Variants in WNK4 observed in about 807,000 individuals in gnomAD.
The protein encoded by WNK4 is serine/threonine-protein kinase WNK4.
In WNK4, 94 loss-of-function variants were observed where a neutral mutation model predicts 116.2. The observed-to-expected ratio is 0.81, with a 90% CI of 0.68 to 0.96. The LOEUF (loss-of-function observed/expected upper bound fraction) is 0.96. Ranked by LOEUF, WNK4 falls within the 40% of genes least tolerant of loss-of-function variation. The pLI, the probability that WNK4 is intolerant of heterozygous loss-of-function variation, is 0.00. For synonymous variants in WNK4, 655 were observed against 672.7 expected, an observed-to-expected ratio of 0.97 and a Z score of 0.41; for missense variants, 1,542 against 1,650.6, an observed-to-expected ratio of 0.93 and a Z score of 1.14.
intron 11 of WNK4, among the ~76,000 whole-genome samples, chr17:42,791,648 AAAAAG>A (rs1162935748): frequency 1.3e-5 from 2 of 150,450 alleles, no homozygotes; most frequent in Non-Finnish European, 3.0e-5. Flanking sequence ...TCAAAAAAAA[AAAAAG>A]AAGAAAGAAA....
chr17:42,787,600 A>T, intron 7 of WNK4, 58 bp downstream of exon 7: 2 of 1,604,438 alleles, frequency 1.2e-6, no homozygotes, highest in Non-Finnish European at 1.7e-6. Flanking sequence ...TCTGCCCCCT[A>T]CCCAGAAGTT....
Position 42,784,375 on chromosome 17 carries a change from C to G in WNK4, c.1013-47C>G, listed in dbSNP as rs199797798. On this transcript the variant is annotated intron_variant, in intron 3 of 18. Coordinates refer to ENST00000246914, the MANE Select transcript of WNK4 (RefSeq NM_032387.5). The surrounding 1 kb of genome is among the most constrained non-coding windows in gnomAD (Gnocchi z 4.4). ...GGGCTGCCTAGCCCAGTGGGAAGGA[C>G]GAGGCCAGAGTGCCCAGCAATCTGA... 5 of 1,602,010 alleles carry G rather than the reference C, an allele frequency of 3.1e-6. No homozygotes were observed. In the South Asian group the frequency reaches 4.5e-5, roughly 14 times the overall value.
Position 42,787,509 on chromosome 17 carries a change from CT to C in WNK4, c.1712del (p.Phe571SerfsTer90), listed in dbSNP as rs1456863869. On this transcript the variant is annotated frameshift_variant, in exon 7 of 19. Transcript: ENST00000246914. LOFTEE classifies it high-confidence loss of function. ...EPEADQHQPF[L>X]FRHASYSSTT... ...AGAGGCAGACCAGCACCAGCCCTTCCTTTTCCGCCACGCCAGCTACTCATCT... is the reference window on the plus strand; with the variant it reads ...AGAGGCAGACCAGCACCAGCCCTTCCTTTCCGCCACGCCAGCTACTCATCT... The C allele has an allele frequency of 6.2e-7, 1 of 1,602,566 alleles. No homozygotes were observed.
At position 42,796,693 on chromosome 17, in the gene WNK4, A is replaced by G; in HGVS notation, c.*5A>G. 1.2e-6 allele frequency: 2 copies of G among 1,614,216 alleles called. No individual in the cohort carries two copies. Among genetic ancestry groups the G allele is most frequent in the African/African-American group, 1.3e-5 (1 of 75,052 alleles). Reference sequence around the variant, plus strand: ...TTTTTCTTTTCCCTCCAGTGAATTCAGAACAGAAGCCATGTATCTCCCCCA... The same window carrying G: ...TTTTTCTTTTCCCTCCAGTGAATTCGGAACAGAAGCCATGTATCTCCCCCA... On this transcript the variant is annotated 3_prime_UTR_variant, in exon 19 of 19. Coordinates refer to ENST00000246914, the MANE Select transcript of WNK4 (RefSeq NM_032387.5).
At chr17:42,781,830 C>G (rs61754333) in intron 1 of WNK4, among the ~76,000 whole-genome samples, 40 of 152,154 alleles carry the variant, frequency 2.6e-4, no homozygotes, top group Non-Finnish European at 5.3e-4. Flanking sequence ...GAATAGGGCC[C>G]CCTAACCCCT....
intron 10 of WNK4, 43 bp from the exon 11 acceptor site, chr17:42,788,638 A>C: frequency 6.6e-7 from 1 of 1,518,928 alleles, no homozygotes; most frequent in Non-Finnish European, 9.1e-7. Flanking sequence ...AGCATGATGA[A>C]GAGGGCTTGA....
intron 11 of WNK4, 100 bp from the exon 12 acceptor site, chr17:42,793,492 G>C: frequency 1.3e-6 from 2 of 1,541,868 alleles, no homozygotes; most frequent in Non-Finnish European, 8.9e-7. Context: ...TTACAGGCGT[G>C]AGCCACCGCG....
Position 42,795,822 on chromosome 17 carries a change from G to C in WNK4, c.3220G>C (p.Asp1074His). 6.2e-7 allele frequency: 1 copy of C among 1,613,836 alleles called. No homozygotes were observed. The highest frequency in any genetic ancestry group is 1.1e-5 in the South Asian group (1 of 91,062). The change falls in exon 16 of 19, where the codon GAC (aspartate) becomes CAC (histidine). Residue 1074 changes from aspartate (D) to histidine (H), a missense_variant. Physicochemically the swap from Asp to His is moderately conservative, Grantham distance 81 (BLOSUM62 -1). Around this residue, in one of 7 missense-constraint regions of WNK4, gnomAD observed 292 missense variants for 290.1 expected, o/e 1.01. Transcript: ENST00000246914. ...GACCAGGGAAGCTCTGGCTGAGAGC[G>C]ACCGTGCAGCTGAGGGTCTGGGGGC... ...PETREALAES[D>H]RAAEGLGAGV... is the part of the protein sequence containing the mutation.
At chr17:42,793,446 G>C (rs1455710107) in intron 11 of WNK4, 146 bp from the exon 12 acceptor site, 3 of 1,021,998 alleles carry the variant, frequency 2.9e-6, no homozygotes, top group Non-Finnish European at 4.4e-6. Context: ...CTGACTTCAG[G>C]TGATCCGCCC....
chr17:42,785,594 C>T, intron 6 of WNK4, 112 bp downstream of exon 6: 2 of 1,275,494 alleles, frequency 1.6e-6, no homozygotes, highest in Non-Finnish European at 2.2e-6. Context: ...GGGCGGGGCA[C>T]CTCACCCCTC....
chr17:42,795,451 C>G lies in WNK4; in HGVS notation c.2962-10C>G, dbSNP rs369213864. On this transcript the variant is annotated splice_polypyrimidine_tract_variant and intron_variant, in intron 14 of 18. Coordinates refer to ENST00000246914, the MANE Select transcript of WNK4 (RefSeq NM_032387.5). ...GCACTCTTCCCTTCTCATGGCCCCCCACTTTCTAGGCCTCACCACCTCCTG... is the reference window on the plus strand; with the variant it reads ...GCACTCTTCCCTTCTCATGGCCCCCGACTTTCTAGGCCTCACCACCTCCTG... 9.9e-6 allele frequency: 16 copies of G among 1,614,076 alleles called. No individual in the cohort carries two copies. The highest frequency in any genetic ancestry group is 1.3e-5 in the Non-Finnish European group (15 of 1,180,046).
In WNK4 at chr17:42,785,189, G is replaced by A. The variant is rs201557431; in HGVS notation, c.1259+4G>A. On this transcript the variant is annotated splice_donor_region_variant and intron_variant, in intron 5 of 18. Coordinates refer to ENST00000246914, the MANE Select transcript of WNK4 (RefSeq NM_032387.5). The stretch of plus-strand genomic sequence containing the variant: ...TCCGCACGGATAAGAACGAGAGGTG[G>A]GGGTGAAAGGGCAGAGCGTGGGTAG... 5 of 1,613,504 alleles carry A rather than the reference G, an allele frequency of 3.1e-6. No homozygotes were observed. The East Asian group carries it at 1.1e-4, about 36-fold the overall frequency.
Position 42,796,759 on chromosome 17 carries a change from T to C in WNK4, c.*71T>C, listed in dbSNP as rs2054681042. The C allele has an allele frequency of 6.2e-7, 1 of 1,614,144 alleles. No individual in the cohort carries two copies. Among genetic ancestry groups the C allele is most frequent in the South Asian group, 1.1e-5 (1 of 91,086 alleles). ...TGGAGCTTGTGTTCTCAGAATCTGA[T>C]GCTTTCTGATCAACAAAACTGAGCA... On this transcript the variant is annotated 3_prime_UTR_variant, in exon 19 of 19. Coordinates refer to ENST00000246914, the MANE Select transcript of WNK4 (RefSeq NM_032387.5).
At position 42,784,729 on chromosome 17, in the gene WNK4, C is replaced by T. The variant is rs1212666074; in HGVS notation, c.1170+150C>T. The stretch of plus-strand genomic sequence containing the variant: ...TGAACACAGAAGGATATTGAGTGCA[C>T]ACGCGCCCCCACCAGTACACGCTAT... On this transcript the variant is annotated intron_variant, in intron 4 of 18. Transcript: ENST00000246914. The surrounding 1 kb of genome is among the most constrained non-coding windows in gnomAD (Gnocchi z 4.4). The T allele has an allele frequency of 1.7e-5, 16 of 935,280 alleles. No homozygotes were observed. The highest frequency in any genetic ancestry group is 3.3e-5 in the African/African-American group (2 of 61,016). 57.9% of individuals were successfully genotyped at this position (935,280 alleles called of 1,614,324 possible). A position where few individuals can be genotyped will look rare whatever the true frequency, so the allele number is the denominator to read the frequency against.
At chr17:42,796,627 G>T (rs1488398945) in intron 18 of WNK4, 49 bp downstream of exon 18, 1 of 1,614,234 alleles carries the variant, frequency 6.2e-7, no homozygotes, top group South Asian at 1.1e-5. Flanking sequence ...GTACCTGGCT[G>T]CAGCTTCGCC....
At position 42,782,925 on chromosome 17, in the gene WNK4, C is replaced by T. The variant is rs769880299; in HGVS notation, c.786C>T (p.Leu262=). The T allele has an allele frequency of 6.2e-7, 1 of 1,614,014 alleles. No individual in the cohort carries two copies. Among genetic ancestry groups the T allele is most frequent in the Non-Finnish European group, 8.5e-7 (1 of 1,179,986 alleles). Residue 262 remains leucine, a synonymous_variant, in exon 2 of 19, where the codon CTC becomes CTT. Coordinates refer to ENST00000246914, the MANE Select transcript of WNK4 (RefSeq NM_032387.5). The surrounding 1 kb of genome is among the most constrained non-coding windows in gnomAD (Gnocchi z 4.2). ...LVTELMTSGT[L]KTYLRRFREM... ...CCGAACTCATGACCTCGGGCACGCT[C>T]AAGACGTGAGCTCTGCGCATGAGTG...
At chr17:42,781,621 G>T (rs1010064889) in intron 1 of WNK4, among the ~76,000 whole-genome samples, 6 of 152,122 alleles carry the variant, frequency 3.9e-5, no homozygotes, top group African/African-American at 1.4e-4. Context: ...GCCAGTTCAG[G>T]TCAGTTTCCT....
At position 42,795,321 on chromosome 17, in the gene WNK4, C is replaced by G. The variant is rs775923469; in HGVS notation, c.2900C>G (p.Pro967Arg). Reference protein sequence around the residue: ...PSPLPSLPLPPPVAPGGQESP... With the variant: ...PSPLPSLPLPRPVAPGGQESP... ...CCCCTCCCTAGCCTGCCCCTTCCCC[C>G]TCCCGTTGCTCCTGGTGGCCAGGAA... Residue 967 changes from proline (P) to arginine (R), a missense_variant, in exon 14 of 19, where the codon CCT becomes CGT. Transcript: ENST00000246914. The G allele has an allele frequency of 1.9e-6, 3 of 1,614,128 alleles. No homozygotes were observed. The highest frequency in any genetic ancestry group is 1.3e-5 in the African/African-American group (1 of 75,028).
rs1360980715 is a variant in WNK4 at position 42,780,683 on chromosome 17, C to T, written c.-16C>T. ...GGCCGTCTGATTTTCTACCCTTCGG[C>T]GCCCTGCTCTTCCTCATGTTGGCAT... On this transcript the variant is annotated 5_prime_UTR_variant, in exon 1 of 19. Transcript: ENST00000246914. The T allele has an allele frequency of 6.2e-7, 1 of 1,605,162 alleles. No homozygotes were observed. Among genetic ancestry groups the T allele is most frequent in the Admixed American group, 1.7e-5 (1 of 59,976 alleles).
Sources: gnomAD v4.1 joint callset for allele counts (sites outside exome capture counted in the v4.1 genomes callset) on GRCh38, gnomAD v4.1.1 for gene constraint, gnomAD v4.1.1 regional missense constraint, Gnocchi (gnomAD v3.1) non-coding constraint, MANE v1.5 for transcripts, NCBI Gene and HGNC (gene_info 2026-07-23, HGNC 2026-07-21) for gene names.